PEX7: variants seen among roughly 807,000 people sequenced by gnomAD.
PEX7 encodes PTS2 receptor.
PEX7 carries 34 observed loss-of-function variants against 47.5 expected under a neutral mutation model. The observed-to-expected ratio is 0.72, with a 90% CI of 0.54 to 0.95. The LOEUF (loss-of-function observed/expected upper bound fraction) is 0.95, where lower values mean the gene tolerates loss of function less well. Ranked by LOEUF, PEX7 falls within the 40% of genes least tolerant of loss-of-function variation. The probability of loss-of-function intolerance (pLI) is 0.00; values close to 1 mark genes in which losing one functional copy is unlikely to be tolerated. For missense variants in PEX7, 394 were observed against 400.3 expected (o/e 0.98, Z 0.13); for synonymous variants, 141 against 148.8 (o/e 0.95, Z 0.38).
chr6:136,863,425 A>G (rs911548989), intron 5 of PEX7, among the ~76,000 whole-genome samples: 1 of 152,148 alleles, frequency 6.6e-6, no homozygotes, highest in Non-Finnish European at 1.5e-5. Context: ...AAATCAAAAA[A>G]GGAAAAAAAA....
intron 3 of PEX7, among the ~76,000 whole-genome samples, chr6:136,841,824 G>A (rs2327763): frequency 0.69 from 103,765 of 151,252 alleles, 36,474 homozygotes; most frequent in African/African-American, 0.86. Flanking sequence ...GGCCTCAAGC[G>A]GTCCTCCTGC....
chr6:136,857,591 T>G (rs1218804246), intron 5 of PEX7, among the ~76,000 whole-genome samples: 1 of 152,188 alleles, frequency 6.6e-6, no homozygotes, highest in Non-Finnish European at 1.5e-5. Flanking sequence ...TATAGCACAG[T>G]GGTCAGGAAC....
Position 136,861,837 on chromosome 6 carries a change from A to G in PEX7, c.527-4790A>G, listed in dbSNP as rs192909827. Among the ~76,000 whole-genome samples the G allele has an allele frequency of 8.8e-3, 1,326 of 149,894 alleles. 12 individuals carry two copies. The highest frequency in any genetic ancestry group is 0.012 in the Non-Finnish European group (828 of 67,602). ...TGGCTTTCTCCACACAGTGAGACACATGGCCACTAGTGGCTCCTGAATTTA... is the reference window on the plus strand; with the variant it reads ...TGGCTTTCTCCACACAGTGAGACACGTGGCCACTAGTGGCTCCTGAATTTA... On this transcript the variant is annotated intron_variant, in intron 5 of 9. Transcript: ENST00000318471.
chr6:136,823,505 C>A, intron 1 of PEX7: 1 of 201,408 alleles, frequency 5.0e-6, no homozygotes, highest in Non-Finnish European at 8.8e-6. Flanking sequence ...CTACAATGAG[C>A]TGAGATCACA....
intron 1 of PEX7, among the ~76,000 whole-genome samples, chr6:136,823,641 A>G (rs1389225794): frequency 6.6e-6 from 1 of 152,194 alleles, no homozygotes; most frequent in Non-Finnish European, 1.5e-5. Context: ...CTGTAATCCC[A>G]GCACTTTGGG....
intron 8 of PEX7, among the ~76,000 whole-genome samples, chr6:136,876,853 C>T (rs1199484758): frequency 6.6e-6 from 1 of 152,156 alleles, no homozygotes; most frequent in East Asian, 1.9e-4. Flanking sequence ...GGTATATACC[C>T]AGTAATGGGA....
intron 8 of PEX7, among the ~76,000 whole-genome samples, chr6:136,892,623 G>T (rs1017488207): frequency 6.6e-6 from 1 of 152,128 alleles, no homozygotes; most frequent in African/African-American, 2.4e-5. Context: ...TTCTTTGGTT[G>T]ACCATGTGGC....
intron 3 of PEX7, among the ~76,000 whole-genome samples, chr6:136,834,601 C>T (rs1156472763): frequency 6.6e-6 from 1 of 152,198 alleles, no homozygotes; most frequent in Non-Finnish European, 1.5e-5. Flanking sequence ...ACCAGATGTC[C>T]TTTGATGTGC....
chr6:136,827,163 T>G (rs927695358), intron 3 of PEX7, among the ~76,000 whole-genome samples: 2 of 152,196 alleles, frequency 1.3e-5, no homozygotes, highest in Admixed American at 1.3e-4. Context: ...CCACAGTGCC[T>G]GGCCCGAGAA....
At chr6:136,905,369 G>C (rs1223214419) in intron 9 of PEX7, among the ~76,000 whole-genome samples, 1 of 152,086 alleles carries the variant, frequency 6.6e-6, no homozygotes, top group Non-Finnish European at 1.5e-5. Context: ...CTATCAGTAA[G>C]TTCTGTTTCT....
At chr6:136,855,456 C>T (rs1205965145) in intron 5 of PEX7, among the ~76,000 whole-genome samples, 2 of 151,838 alleles carry the variant, frequency 1.3e-5, no homozygotes, top group African/African-American at 2.4e-5. Flanking sequence ...TCTCCTGCCT[C>T]AGCCTCCCGA....
chr6:136,823,025 T>C, intron 1 of PEX7: 1 of 985,456 alleles, frequency 1.0e-6, no homozygotes, highest in Non-Finnish European at 1.2e-6. Context: ...TGCATATACG[T>C]GTAGCCTAGT....
chr6:136,891,268 G>C (rs1775547938), intron 8 of PEX7, among the ~76,000 whole-genome samples: 1 of 152,160 alleles, frequency 6.6e-6, no homozygotes, highest in Non-Finnish European at 1.5e-5. Flanking sequence ...AGTAAAGTCT[G>C]CTTCTCTAAA....
chr6:136,833,355 G>A (rs1415416825), intron 3 of PEX7, among the ~76,000 whole-genome samples: 4 of 152,110 alleles, frequency 2.6e-5, no homozygotes, highest in East Asian at 1.9e-4. Context: ...TCCCTCCTTC[G>A]ACACGTGGGG....
chr6:136,850,969 CT>C (rs200796690), intron 5 of PEX7, among the ~76,000 whole-genome samples: 1,185 of 72,426 alleles, frequency 0.016, 17 homozygotes, highest in South Asian at 0.059. Context: ...TTTCTGCTGT[CT>C]TTTTTTTTTA....
At chr6:136,913,383 C>G in intron 9 of PEX7, 75 bp from the exon 10 acceptor site, 1 of 970,258 alleles carries the variant, frequency 1.0e-6, no homozygotes, top group South Asian at 1.3e-5. Context: ...CTCTAAATGA[C>G]TTGAGTTTTT....
At chr6:136,861,507 A>T (rs1774963202) in intron 5 of PEX7, among the ~76,000 whole-genome samples, 1 of 152,166 alleles carries the variant, frequency 6.6e-6, no homozygotes, top group Non-Finnish European at 1.5e-5. Flanking sequence ...TTAGATATAA[A>T]TTCCTGAAAG....
intron 8 of PEX7, among the ~76,000 whole-genome samples, chr6:136,879,502 C>T (rs773319457): frequency 3.3e-5 from 5 of 152,148 alleles, no homozygotes; most frequent in Non-Finnish European, 7.4e-5. Flanking sequence ...GTCTAACTCT[C>T]TTTTACTTGT....
intron 8 of PEX7, among the ~76,000 whole-genome samples, chr6:136,890,918 T>A (rs1362134980): frequency 1.3e-5 from 2 of 152,212 alleles, no homozygotes; most frequent in Non-Finnish European, 2.9e-5. Flanking sequence ...ACTATTCTTA[T>A]CCTTAAGATA....
Sources: allele counts gnomAD v4.1 joint callset (sites outside exome capture counted in the v4.1 genomes callset), GRCh38; gene constraint gnomAD v4.1.1; transcripts MANE v1.5; gene names NCBI Gene and HGNC (gene_info 2026-07-23, HGNC 2026-07-21).